The following SYT12 variants were observed in gnomAD, a reference collection of about 807,000 sequenced individuals.
SYT12 encodes the protein synaptotagmin 12.
SYT12 carries 27 observed loss-of-function variants against 39.5 expected under a neutral mutation model. The observed-to-expected ratio is 0.68, with a 90% CI of 0.50 to 0.94. SYT12 has a LOEUF of 0.94. Among genes scored for constraint, SYT12 ranks in the 40% least tolerant of loss-of-function variants. The probability of loss-of-function intolerance (pLI) is 0.00; values close to 1 mark genes in which losing one functional copy is unlikely to be tolerated. For synonymous variants in SYT12, 233 were observed against 239.7 expected, an observed-to-expected ratio of 0.97 and a Z score of 0.26; for missense variants, 536 against 572.6, an observed-to-expected ratio of 0.94 and a Z score of 0.65.
intron 3 of SYT12, among the ~76,000 whole-genome samples, chr11:67,036,081 A>AT (rs60724344): frequency 0.013 from 1,906 of 147,516 alleles, 35 homozygotes; most frequent in African/African-American, 0.044. Context: ...TGCCTAGCTA[A>AT]TTTTTTTTTT....
intron 1 of SYT12, chr11:67,028,390 G>A (rs1332783534): frequency 6.6e-6 from 1 of 152,134 alleles, no homozygotes; most frequent in Non-Finnish European, 1.5e-5. Flanking sequence ...GTGGGAGTGG[G>A]GGCAGCATCA....
At chr11:67,035,837 C>CCTTCCTTCCTTTCTTTCTTT (rs1412426648) in intron 3 of SYT12, among the ~76,000 whole-genome samples, 13 of 111,142 alleles carry the variant, frequency 1.2e-4, no homozygotes, top group African/African-American at 3.9e-4. Flanking sequence ...TTCCTTCCTT[C>CCTTCCTTCCTTTCTTTCTTT]CTTTCTTTCT....
chr11:67,030,405 T>G, intron 2 of SYT12: 1 of 523,394 alleles, frequency 1.9e-6, no homozygotes, highest in South Asian at 2.7e-5. Flanking sequence ...TCCTTCTTGT[T>G]AAAGTGACTT....
upstream of SYT12, among the ~76,000 whole-genome samples, chr11:67,019,544 G>A (rs1452388621): frequency 6.6e-6 from 1 of 151,640 alleles, no homozygotes; most frequent in East Asian, 1.9e-4. Flanking sequence ...CGCCCCCCAC[G>A]ATTCAATTAT....
upstream of SYT12, among the ~76,000 whole-genome samples, chr11:67,018,275 T>A (rs901401209): frequency 1.8e-4 from 26 of 148,168 alleles, no homozygotes; most frequent in Non-Finnish European, 2.4e-4. Flanking sequence ...AAAAAAAAAA[T>A]TTTTTTTTTT....
chr11:67,015,198 G>GT (rs1950047649), intron 3 of SYT12, among the ~76,000 whole-genome samples: 1 of 152,234 alleles, frequency 6.6e-6, no homozygotes. Flanking sequence ...CCGGTGACAG[G>GT]TGGAAAGGCA....
At chr11:67,019,426 C>T (rs1423953403), upstream of SYT12, among the ~76,000 whole-genome samples, 3 of 151,050 alleles carry the variant, frequency 2.0e-5, no homozygotes, top group African/African-American at 7.3e-5. Context: ...GAGCCAAGAT[C>T]GTGCCATTGC....
At chr11:67,021,823 G>A (rs1254555302), upstream of SYT12, 2 of 152,140 alleles carry the variant, frequency 1.3e-5, no homozygotes, top group East Asian at 3.9e-4. Context: ...CCATTACCCA[G>A]GCCCCCCGCC....
At chr11:67,044,772 C>A in intron 6 of SYT12, 59 bp downstream of exon 6, 2 of 1,603,466 alleles carry the variant, frequency 1.2e-6, no homozygotes, top group Non-Finnish European at 1.7e-6. Flanking sequence ...TGTGGCCCAG[C>A]TGCTGTGCTG....
intron 3 of SYT12, among the ~76,000 whole-genome samples, chr11:67,016,859 C>G (rs1275812658): frequency 6.6e-6 from 1 of 152,202 alleles, no homozygotes; most frequent in Non-Finnish European, 1.5e-5. Flanking sequence ...TCTCTGTGGC[C>G]AGCCTCAGTT....
At chr11:67,015,059 T>C (rs1330029051) in intron 3 of SYT12, among the ~76,000 whole-genome samples, 1 of 152,208 alleles carries the variant, frequency 6.6e-6, no homozygotes, top group African/African-American at 2.4e-5. Flanking sequence ...TGAGCCGGTG[T>C]GCACCTTAAA....
chr11:67,047,417 A>G (rs181540429), intron 7 of SYT12, among the ~76,000 whole-genome samples: 116 of 148,650 alleles, frequency 7.8e-4, no homozygotes, highest in African/African-American at 2.7e-3. Context: ...ACAGGCAAGC[A>G]CCATCATGCC....
At chr11:67,012,043 G>A (rs537536882) in intron 3 of SYT12, among the ~76,000 whole-genome samples, 12 of 151,212 alleles carry the variant, frequency 7.9e-5, no homozygotes, top group African/African-American at 2.4e-4. Flanking sequence ...GATTACAGGC[G>A]TGAGCCACTG....
At chr11:67,048,448 TTA>T in intron 7 of SYT12, 134 bp from the exon 8 acceptor site, 23 of 892,702 alleles carry the variant, frequency 2.6e-5, no homozygotes, top group Non-Finnish European at 3.6e-5. Flanking sequence ...TCCTCACCTC[TTA>T]GATCAGAGGT....
chr11:67,017,889 G>T (rs1468878654), intron 3 of SYT12, among the ~76,000 whole-genome samples: 1 of 151,996 alleles, frequency 6.6e-6, no homozygotes, highest in Non-Finnish European at 1.5e-5. Flanking sequence ...GAACCCAGGA[G>T]GCGGAGGTTG....
chr11:67,044,250 C>T (rs1465608613), intron 5 of SYT12, among the ~76,000 whole-genome samples: 2 of 152,202 alleles, frequency 1.3e-5, no homozygotes, highest in African/African-American at 2.4e-5. Context: ...CCACTCTGAT[C>T]GCTGTGTATT....
In SYT12 at chr11:67,048,584, G is replaced by A. The variant is rs1034526491; in HGVS notation, c.1093G>A (p.Asp365Asn). 1 of 1,596,160 alleles carries A rather than the reference G, an allele frequency of 6.3e-7. No homozygotes were observed. Among genetic ancestry groups the A allele is most frequent in the African/African-American group, 1.3e-5 (1 of 74,614 alleles). The change falls in exon 8 of 8, where the codon GAC (aspartate) becomes AAC (asparagine). Residue 365 changes from aspartate to asparagine, a missense_variant and splice_region_variant. Transcript: ENST00000527043. ...AGCACCCATGTTGCCTCTTCCTCAGGACCTGTCTCTCCGCGTGACGGTGGC... is the reference window on the plus strand; with the variant it reads ...AGCACCCATGTTGCCTCTTCCTCAGAACCTGTCTCTCCGCGTGACGGTGGC... ...IFSVPAIVLQ[D>N]LSLRVTVAES... is the part of the protein sequence containing the mutation.
At chr11:67,046,221 C>T (rs1317971557) in intron 7 of SYT12, among the ~76,000 whole-genome samples, 1 of 152,104 alleles carries the variant, frequency 6.6e-6, no homozygotes, top group Non-Finnish European at 1.5e-5. Context: ...CTGGGGTGAG[C>T]CAGGCACCCA....
chr11:67,011,860 G>T (rs1314045430), intron 3 of SYT12, among the ~76,000 whole-genome samples: 6 of 151,776 alleles, frequency 4.0e-5, no homozygotes, highest in Admixed American at 1.3e-4. Flanking sequence ...CTGCCTCCCG[G>T]GTTCAAGCAA....
Sources: allele counts gnomAD v4.1 joint callset (sites outside exome capture counted in the v4.1 genomes callset), GRCh38; gene constraint gnomAD v4.1.1; transcripts MANE v1.5; gene names NCBI Gene and HGNC (gene_info 2026-07-23, HGNC 2026-07-21).